PLD5: variants seen among roughly 807,000 people sequenced by gnomAD.
PLD5 encodes the protein inactive phospholipase D5.
PLD5 carries 36 observed loss-of-function variants against 61.1 expected under a neutral mutation model. That is an observed-to-expected ratio of 0.59 (90% CI 0.45 to 0.78). PLD5 has a LOEUF of 0.78. Among genes scored for constraint, PLD5 ranks in the 30% least tolerant of loss-of-function variants. PLD5 has a pLI of 0.00. For synonymous variants in PLD5, 243 were observed against 242.8 expected (o/e 1.00, Z -0.01); for missense variants, 515 against 644.4 (o/e 0.80, Z 2.17).
chr1:242,305,829 T>C (rs908939738), intron 2 of PLD5, among the ~76,000 whole-genome samples: 13 of 152,104 alleles, frequency 8.5e-5, no homozygotes, highest in African/African-American at 3.1e-4. Flanking sequence ...CAAAGTGCAC[T>C]TCCATTTCTA....
At chr1:242,493,585 T>C (rs749213816) in intron 1 of PLD5, among the ~76,000 whole-genome samples, 16 of 152,114 alleles carry the variant, frequency 1.1e-4, no homozygotes, top group Non-Finnish European at 1.9e-4. Context: ...CCTCCAAAGC[T>C]GGAGGCTGCC....
chr1:242,446,483 A>G (rs1206775246), intron 1 of PLD5, among the ~76,000 whole-genome samples: 1 of 152,156 alleles, frequency 6.6e-6, no homozygotes, highest in East Asian at 1.9e-4. Context: ...AGACATGAGA[A>G]TCACTTGAAC....
intron 5 of PLD5, among the ~76,000 whole-genome samples, chr1:242,129,092 T>A (rs1222763319): frequency 6.6e-6 from 1 of 152,182 alleles, no homozygotes; most frequent in African/African-American, 2.4e-5. Context: ...ATGAACCATT[T>A]ATCACCATCA....
intron 1 of PLD5, among the ~76,000 whole-genome samples, chr1:242,468,836 G>A (rs567910284): frequency 6.6e-6 from 1 of 152,230 alleles, no homozygotes; most frequent in African/African-American, 2.4e-5. Flanking sequence ...TATGCATCAT[G>A]CTCCACGTGG....
At chr1:242,171,822 G>C (rs1038058938) in intron 5 of PLD5, among the ~76,000 whole-genome samples, 1 of 151,996 alleles carries the variant, frequency 6.6e-6, no homozygotes, top group African/African-American at 2.4e-5. Flanking sequence ...GTGGTAAAGG[G>C]ATCAGTGCAA....
intron 1 of PLD5, among the ~76,000 whole-genome samples, chr1:242,522,522 T>C (rs920498293): frequency 1.3e-5 from 2 of 152,184 alleles, no homozygotes; most frequent in Non-Finnish European, 2.9e-5. Flanking sequence ...ATAAAGGAAA[T>C]AGACCAGCTA....
chr1:242,174,283 C>A (rs1218625804), intron 5 of PLD5, among the ~76,000 whole-genome samples: 3 of 152,204 alleles, frequency 2.0e-5, no homozygotes, highest in East Asian at 1.9e-4. Flanking sequence ...ATGCAGCCAA[C>A]AGACACATGA....
At chr1:242,103,744 G>T (rs1660852156) in intron 8 of PLD5, among the ~76,000 whole-genome samples, 1 of 152,196 alleles carries the variant, frequency 6.6e-6, no homozygotes, top group Non-Finnish European at 1.5e-5. Flanking sequence ...CTGGAAAACA[G>T]ATCTGTGGTA....
intron 1 of PLD5, among the ~76,000 whole-genome samples, chr1:242,486,604 C>G (rs1166998745): frequency 6.6e-6 from 1 of 152,198 alleles, no homozygotes; most frequent in Non-Finnish European, 1.5e-5. Context: ...CACTTTTACA[C>G]TGTTGCTGAG....
intron 1 of PLD5, among the ~76,000 whole-genome samples, chr1:242,467,849 C>T (rs1667324986): frequency 6.6e-6 from 1 of 152,178 alleles, no homozygotes; most frequent in Admixed American, 6.5e-5. Context: ...TTCAGTCTAT[C>T]TGTGACTTAG....
At chr1:242,311,413 G>C (rs187585471) in intron 2 of PLD5, among the ~76,000 whole-genome samples, 56 of 152,330 alleles carry the variant, frequency 3.7e-4, no homozygotes, top group African/African-American at 1.3e-3. Flanking sequence ...GGTGAAGCCT[G>C]AGAATTTTTA....
chr1:242,325,142 T>C (rs1658667163), intron 2 of PLD5, among the ~76,000 whole-genome samples: 1 of 152,074 alleles, frequency 6.6e-6, no homozygotes, highest in Admixed American at 6.6e-5. Context: ...CTGTGAAATG[T>C]GTACTGAGCA....
At chr1:242,174,759 T>A (rs552157008) in intron 5 of PLD5, among the ~76,000 whole-genome samples, 13 of 152,072 alleles carry the variant, frequency 8.5e-5, no homozygotes, top group Non-Finnish European at 1.9e-4. Flanking sequence ...GGGACATGGA[T>A]GAAGCTGGAA....
chr1:242,264,049 C>T (rs560752597), intron 4 of PLD5, among the ~76,000 whole-genome samples: 3 of 151,876 alleles, frequency 2.0e-5, no homozygotes, highest in Non-Finnish European at 4.4e-5. Flanking sequence ...TGCTAGGAAA[C>T]TCCATAAGGA....
intron 2 of PLD5, among the ~76,000 whole-genome samples, chr1:242,327,729 T>C (rs1051301886): frequency 2.6e-5 from 4 of 152,194 alleles, no homozygotes; most frequent in African/African-American, 9.7e-5. Flanking sequence ...AATTTTAACT[T>C]TCAAAATGTA....
At chr1:242,180,842 G>A (rs142985015) in intron 5 of PLD5, among the ~76,000 whole-genome samples, 229 of 152,224 alleles carry the variant, frequency 1.5e-3, no homozygotes, top group African/African-American at 5.2e-3. Flanking sequence ...AATTAACCAG[G>A]TGTTATGGTA....
chr1:242,163,329 C>G (rs967533073), intron 5 of PLD5, among the ~76,000 whole-genome samples: 80 of 151,666 alleles, frequency 5.3e-4, no homozygotes, highest in African/African-American at 1.5e-3. Context: ...ATTTTTAGCA[C>G]AGACGGGGTT....
chr1:242,287,239 C>T (rs921329699), intron 3 of PLD5, among the ~76,000 whole-genome samples: 1 of 152,140 alleles, frequency 6.6e-6, no homozygotes, highest in African/African-American at 2.4e-5. Context: ...CAGGATTCTC[C>T]ATCCCCAGGC....
intron 1 of PLD5, among the ~76,000 whole-genome samples, chr1:242,433,617 T>G (rs180717271): frequency 5.3e-5 from 8 of 152,318 alleles, no homozygotes; most frequent in Admixed American, 2.0e-4. Flanking sequence ...GTGAACAAAC[T>G]AATGTCTTTG....
Sources: gnomAD v4.1 joint callset for allele counts (sites outside exome capture counted in the v4.1 genomes callset) on GRCh38, gnomAD v4.1.1 for gene constraint, MANE v1.5 for transcripts, NCBI Gene and HGNC (gene_info 2026-07-23, HGNC 2026-07-21) for gene names.